The following PARVG variants were observed in gnomAD, a reference collection of about 807,000 sequenced individuals.
The protein encoded by PARVG is gamma-parvin.
In PARVG, 36 loss-of-function variants were observed where a neutral mutation model predicts 44.4. That is an observed-to-expected ratio of 0.81 (90% CI 0.62 to 1.07). PARVG has a LOEUF of 1.07. PARVG is among the 50% of genes least tolerant of loss of function. The pLI, the probability that PARVG is intolerant of heterozygous loss-of-function variation, is 0.00. For synonymous variants in PARVG, 170 were observed against 174.1 expected, an observed-to-expected ratio of 0.98 and a Z score of 0.19; for missense variants, 407 against 407.4, an observed-to-expected ratio of 1.00 and a Z score of 0.01.
At position 44,206,893 on chromosome 22, in the gene PARVG, A is replaced by C. The variant is rs758923468; in HGVS notation, c.*467A>C. The C allele has an allele frequency of 7.2e-5, 13 of 179,812 alleles. No homozygotes were observed. The highest frequency in any genetic ancestry group is 3.5e-5 in the Non-Finnish European group (3 of 86,820). 11.1% of individuals were successfully genotyped at this position (179,812 alleles called of 1,614,324 possible). On this transcript the variant is annotated 3_prime_UTR_variant, in exon 14 of 14. Transcript: ENST00000444313. ...TCTCACTCGGGAGGATGGGCCCCAG[A>C]GTCACCCTCCAGGGCAGGAGCCCGA...
At chr22:44,183,529 C>A in intron 3 of PARVG, 121 bp downstream of exon 3, 7 of 881,456 alleles carry the variant, frequency 7.9e-6, no homozygotes, top group Non-Finnish European at 9.9e-6. Flanking sequence ...ATTCTGCTCA[C>A]CCCTGCCTCC....
chr22:44,202,387 C>A (rs550957478), intron 12 of PARVG, among the ~76,000 whole-genome samples: 3 of 152,196 alleles, frequency 2.0e-5, no homozygotes, highest in African/African-American at 7.2e-5. Context: ...GGCTCGGAAC[C>A]CAGCTCAGAG....
intron 3 of PARVG, chr22:44,183,815 G>A (rs4823203): frequency 0.42 from 167,593 of 394,408 alleles, 35,951 homozygotes; most frequent in Admixed American, 0.47. Flanking sequence ...TTAGCAAGTG[G>A]TGGACCTGGG....
Position 44,191,030 on chromosome 22 carries a change from G to A in PARVG, c.504+364G>A, listed in dbSNP as rs554940007. ...TTGCCACGGGGAGCCTTCACGCCCT[G>A]AGCAAAACCAATGCTCTCACCATGA... On this transcript the variant is annotated intron_variant, in intron 7 of 13. Coordinates refer to ENST00000444313, the MANE Select transcript of PARVG (RefSeq NM_022141.7). Among the ~76,000 whole-genome samples, 24 of 152,324 alleles carry A rather than the reference G, an allele frequency of 1.6e-4. 1 individual carries two copies. The highest frequency in any genetic ancestry group is 1.4e-3 in the Admixed American group (21 of 15,298).
At chr22:44,179,032 C>T (rs1224752398), upstream of PARVG, among the ~76,000 whole-genome samples, 1 of 151,808 alleles carries the variant, frequency 6.6e-6, no homozygotes, top group African/African-American at 2.4e-5. This position sits in a 1 kb window ranked among gnomAD's most constrained non-coding sequence, Gnocchi z 4.2. Context: ...GTTAAAAATA[C>T]ACGTAACATA....
At position 44,173,120 on chromosome 22, in the gene PARVG, G is replaced by T. The variant is rs552971794; in HGVS notation, c.-260G>T. 3 of 1,289,218 alleles carry T rather than the reference G, an allele frequency of 2.3e-6. No individual in the cohort carries two copies. The South Asian group carries it at 3.7e-5, about 16-fold the overall frequency. The allele number at this position is 1,289,218 out of a possible 1,614,324, so 79.9% of individuals were successfully genotyped here. A position where few individuals can be genotyped will look rare whatever the true frequency, so the allele number is the denominator to read the frequency against. On this transcript the variant is annotated 5_prime_UTR_variant, in exon 1 of 14. Coordinates refer to the PARVG transcript ENST00000422871. ...AGCTGGTTCACAGCCCTTTGTGGGGGATGGGACTTTGGGAACCCCAAACTT... is the reference window on the plus strand; with the variant it reads ...AGCTGGTTCACAGCCCTTTGTGGGGTATGGGACTTTGGGAACCCCAAACTT...
At position 44,185,857 on chromosome 22, in the gene PARVG, T is replaced by G. The variant is rs1480101154; in HGVS notation, c.129T>G (p.Phe43Leu). 6.2e-7 allele frequency: 1 copy of G among 1,613,362 alleles called. No homozygotes were observed. The highest frequency in any genetic ancestry group is 8.5e-7 in the Non-Finnish European group (1 of 1,179,598). The change falls in exon 4 of 14, where the codon TTT becomes TTG. Residue 43 changes from phenylalanine to leucine, a missense_variant. Coordinates refer to ENST00000444313, the MANE Select transcript of PARVG (RefSeq NM_022141.7). ...CCACTTCCCGGAAGGACCCCAAATT[T>G]GAAGAACTGCAGAAGGTACAGCAGC... ...LPPTSRKDPK[F>L]EELQKVLMEW...
At chr22:44,198,366 A>G (rs1044503719) in intron 11 of PARVG, among the ~76,000 whole-genome samples, 2 of 152,214 alleles carry the variant, frequency 1.3e-5, no homozygotes, top group African/African-American at 4.8e-5. Flanking sequence ...TGCTGTTTAA[A>G]AACTGATATG....
intron 12 of PARVG, among the ~76,000 whole-genome samples, chr22:44,205,008 A>T (rs1000000265): frequency 6.6e-6 from 1 of 152,174 alleles, no homozygotes; most frequent in African/African-American, 2.4e-5. Context: ...TGGTGAGCCC[A>T]CTTTGCAGGG....
intron 4 of PARVG, 30 bp downstream of exon 4, chr22:44,185,902 C>G: frequency 2.5e-6 from 4 of 1,598,200 alleles, no homozygotes; most frequent in Non-Finnish European, 3.4e-6. Context: ...CCTGACTTCC[C>G]TGGGTGCCTC....
chr22:44,200,316 T>A (rs1330908425), intron 12 of PARVG, among the ~76,000 whole-genome samples: 1 of 152,168 alleles, frequency 6.6e-6, no homozygotes, highest in Non-Finnish European at 1.5e-5. Context: ...GGCCTGAGTC[T>A]TGTGCTCTTC....
intron 3 of PARVG, chr22:44,184,039 G>A (rs943425486): frequency 1.1e-4 from 17 of 157,772 alleles, no homozygotes; most frequent in Non-Finnish European, 1.8e-4. Context: ...GAGCCCTTTG[G>A]GGGGTTGGCG....
At position 44,182,528 on chromosome 22, in the gene PARVG, G is replaced by A. The variant is rs143008161; in HGVS notation, c.-13+611G>A. On this transcript the variant is annotated intron_variant, in intron 2 of 13. Coordinates refer to ENST00000444313, the MANE Select transcript of PARVG (RefSeq NM_022141.7). This position sits in a 1 kb window ranked among gnomAD's most constrained non-coding sequence, Gnocchi z 4.6. ...TGGCTCCAGTCGAGTGAATGCCTCC[G>A]TCTCCCACAGCTCAGGGGGCTCCCT... is the stretch of plus-strand genomic sequence containing the variant. 6.6e-6 allele frequency among the ~76,000 whole-genome samples: 1 copy of A among 152,294 alleles called. No homozygotes were observed. Among genetic ancestry groups the A allele is most frequent in the Non-Finnish European group, 1.5e-5 (1 of 68,018 alleles).
chr22:44,180,807 C>A, upstream of PARVG: 1 of 419,544 alleles, frequency 2.4e-6, no homozygotes, highest in Non-Finnish European at 3.2e-6. Flanking sequence ...ACACTCCTTA[C>A]ACCTGCATCC....
chr22:44,196,069 A>T, intron 9 of PARVG, 86 bp from the exon 10 acceptor site: 3 of 1,489,490 alleles, frequency 2.0e-6, no homozygotes, highest in Non-Finnish European at 1.9e-6. Context: ...GGTTATTCTA[A>T]GAAACTTTTG....
intron 9 of PARVG, among the ~76,000 whole-genome samples, chr22:44,195,858 C>G (rs918153927): frequency 2.0e-5 from 3 of 152,158 alleles, no homozygotes; most frequent in African/African-American, 7.2e-5. Flanking sequence ...TTTATGAAGT[C>G]CTACTGTGTG....
At chr22:44,197,571 C>T (rs904920276) in intron 11 of PARVG, among the ~76,000 whole-genome samples, 4 of 152,204 alleles carry the variant, frequency 2.6e-5, no homozygotes, top group African/African-American at 9.6e-5. Flanking sequence ...GGAAGTATCA[C>T]GCTCTGTAGC....
At position 44,192,942 on chromosome 22, in the gene PARVG, T is replaced by C. The variant is rs79620611; in HGVS notation, c.560+838T>C. 1.7e-4 allele frequency among the ~76,000 whole-genome samples: 26 copies of C among 152,266 alleles called. No individual in the cohort carries two copies. The East Asian group carries it at 4.8e-3, about 28-fold the overall frequency. On this transcript the variant is annotated intron_variant, in intron 8 of 13. Transcript: ENST00000444313. ...TTGCTGGCTTCTGTGTGGCGCTAAC[T>C]CACGATCTCTCACAGGGATGCAGCC...
chr22:44,181,723 C>G lies in PARVG; in HGVS notation c.-188-19C>G, dbSNP rs562882478. On this transcript the variant is annotated intron_variant, in intron 1 of 13. Coordinates refer to ENST00000444313, the MANE Select transcript of PARVG (RefSeq NM_022141.7). ...AGCTTCACTTTCACGGCATCCACCC[C>G]CCTCGGGCCCTGCCGCAGAGAGGAG... 303 of 985,396 alleles carry G rather than the reference C, an allele frequency of 3.1e-4. 1 individual carries two copies. The highest frequency in any genetic ancestry group is 2.8e-3 in the African/African-American group (161 of 57,322). 61.0% of individuals were successfully genotyped at this position (985,396 alleles called of 1,614,324 possible).
Sources: gnomAD v4.1 joint callset for allele counts (sites outside exome capture counted in the v4.1 genomes callset) on GRCh38, gnomAD v4.1.1 for gene constraint, Gnocchi (gnomAD v3.1) non-coding constraint, MANE v1.5 for transcripts, NCBI Gene and HGNC (gene_info 2026-07-23, HGNC 2026-07-21) for gene names.